Variants in SLC36A3 observed in about 807,000 individuals in gnomAD.
SLC36A3 encodes proton-coupled amino acid transporter 3.
SLC36A3 carries 35 observed loss-of-function variants against 44.3 expected under a neutral mutation model. The observed-to-expected ratio is 0.79, with a 90% CI of 0.60 to 1.05. SLC36A3 has a LOEUF of 1.05. Ranked by LOEUF, SLC36A3 falls within the 50% of genes least tolerant of loss-of-function variation. The pLI, the probability that SLC36A3 is intolerant of heterozygous loss-of-function variation, is 0.00. For synonymous variants in SLC36A3, 211 were observed against 227.6 expected, an observed-to-expected ratio of 0.93 and a Z score of 0.66; for missense variants, 540 against 578.7, an observed-to-expected ratio of 0.93 and a Z score of 0.69.
rs1755093147 is a variant in SLC36A3, at chr5:151,299,373, A to ATATATATATATATATATATATATAT, written c.129-691_129-690insATATATATATATATATATATATATA. ...AAAGTAGAGTCAGATGAGCATGGTGATATATATATATATATATATATTATA... is the reference window on the plus strand; with the variant it reads ...AAAGTAGAGTCAGATGAGCATGGTGATATATATATATATATATATATATATTATATATATATATATATATATTATA... On this transcript the variant is annotated intron_variant, in intron 1 of 9. Transcript: ENST00000335230. Among the ~76,000 whole-genome samples the ATATATATATATATATATATATATAT allele has an allele frequency of 1.5e-4, 6 of 38,834 alleles. No individual in the cohort carries two copies. In the African/African-American group the frequency reaches 2.0e-3, roughly 13 times the overall value. 25.5% of individuals were successfully genotyped at this position (38,834 alleles called of 152,430 possible). A position where few individuals can be genotyped will look rare whatever the true frequency, so the allele number is the denominator to read the frequency against.
At position 151,277,389 on chromosome 5, in the gene SLC36A3, A is replaced by G. The variant is rs1754126795; in HGVS notation, c.*4T>C. 2 of 1,613,572 alleles carry G rather than the reference A, an allele frequency of 1.2e-6. No homozygotes were observed. Among genetic ancestry groups the G allele is most frequent in the Non-Finnish European group, 8.5e-7 (1 of 1,179,632 alleles). On this transcript the variant is annotated 3_prime_UTR_variant, in exon 10 of 10. Transcript: ENST00000335230. ...GGGAGAGCTATTAGAATAAAAACAG[A>G]TAATTATGCATGGACACCTGTGGAG...
At chr5:151,291,930 G>A (rs6873351) in intron 4 of SLC36A3, among the ~76,000 whole-genome samples, 23,850 of 151,974 alleles carry the variant, frequency 0.16, 2,427 homozygotes, top group African/African-American at 0.29. Context: ...GTGCGATCTC[G>A]GCTCACTGCA....
chr5:151,290,763 C>T (rs1318965957), intron 4 of SLC36A3, among the ~76,000 whole-genome samples: 5 of 152,020 alleles, frequency 3.3e-5, no homozygotes, highest in East Asian at 1.9e-4. Flanking sequence ...GGCATGGTGG[C>T]GGGCGCCTGT....
At position 151,287,372 on chromosome 5, in the gene SLC36A3, C is replaced by A. The variant is rs375396; in HGVS notation, c.582G>T (p.Leu194=). ...TPILDIRFYM[L]IILPFLILLV... ...ACAGGATCAGGAAGGGCAGGATTAT[C>A]AGCATGTAGAAACGAATGTCCAGGA... Residue 194 remains leucine, a synonymous_variant, in exon 6 of 10, where the codon CTG becomes CTT. Transcript: ENST00000335230. The A allele has an allele frequency of 0.2, 319,492 of 1,613,876 alleles. 34,903 individuals are homozygous for A. Among genetic ancestry groups the A allele is most frequent in the East Asian group, 0.49 (21,935 of 44,866 alleles).
chr5:151,289,506 A>T (rs906951168), intron 4 of SLC36A3, among the ~76,000 whole-genome samples: 7 of 152,036 alleles, frequency 4.6e-5, no homozygotes, highest in Admixed American at 2.0e-4. Flanking sequence ...AAAAAAAAAA[A>T]GAAATTATTA....
At chr5:151,290,432 ATAACGAGAATT>A (rs1754712983) in intron 4 of SLC36A3, among the ~76,000 whole-genome samples, 1 of 152,244 alleles carries the variant, frequency 6.6e-6, no homozygotes, top group Non-Finnish European at 1.5e-5. Context: ...TTTAATGAAT[ATAACGAGAATT>A]TAACGAGAAT....
rs1754102880 is a variant in SLC36A3 at position 151,276,670 on chromosome 5, A to G, written c.*723T>C. The G allele has an allele frequency of 6.6e-6, 1 of 152,262 alleles. No homozygotes were observed. The highest frequency in any genetic ancestry group is 2.4e-5 in the African/African-American group (1 of 41,478). 9.4% of individuals were successfully genotyped at this position (152,262 alleles called of 1,614,324 possible). A position where few individuals can be genotyped will look rare whatever the true frequency, so the allele number is the denominator to read the frequency against. ...GTTTTAAAGAAACTACAAGATGTTT[A>G]TCAAACTGATTGTACTACTTTCTAT... On this transcript the variant is annotated 3_prime_UTR_variant, in exon 10 of 10. Transcript: ENST00000335230.
intron 9 of SLC36A3, among the ~76,000 whole-genome samples, chr5:151,278,179 T>TA (rs879503895): frequency 2.6e-4 from 40 of 152,274 alleles, no homozygotes; most frequent in Middle Eastern, 3.4e-3. Context: ...CAAGGATGGA[T>TA]AAAAAAATGG....
intron 3 of SLC36A3, among the ~76,000 whole-genome samples, chr5:151,295,333 G>A (rs1005607277): frequency 2.0e-5 from 3 of 152,216 alleles, no homozygotes; most frequent in African/African-American, 7.2e-5. Context: ...AACAAGGCTT[G>A]CAAGGCTCTT....
chr5:151,295,359 G>A (rs377333438), intron 3 of SLC36A3, among the ~76,000 whole-genome samples: 33 of 152,358 alleles, frequency 2.2e-4, no homozygotes, highest in African/African-American at 7.9e-4. Context: ...GATAACCGCA[G>A]TGTAATTGCA....
Position 151,296,260 on chromosome 5 carries a change from A to G in SLC36A3, c.228T>C (p.Pro76=), listed in dbSNP as rs1293057338. The G allele has an allele frequency of 5.0e-6, 8 of 1,614,134 alleles. No homozygotes were observed. Among genetic ancestry groups the G allele is most frequent in the Middle Eastern group, 1.7e-4 (1 of 6,040 alleles). ...AIKNAGLLVG[P]VSLLAIGVLT... is the part of the protein sequence containing the mutation. The stretch of plus-strand genomic sequence containing the variant: ...GGACCCCGATGGCCAGAAGGCTGAC[A>G]GGACCGACCTGGAGGGGAGAGGAGA... The change falls in exon 3 of 10, where the codon CCT becomes CCC. Residue 76 remains proline, a synonymous_variant. Transcript: ENST00000335230.
At chr5:151,278,220 C>T (rs1268500348) in intron 9 of SLC36A3, among the ~76,000 whole-genome samples, 5 of 151,204 alleles carry the variant, frequency 3.3e-5, no homozygotes, top group Non-Finnish European at 7.4e-5. Context: ...CGAATATCAG[C>T]CACTTATTTT....
chr5:151,296,373 C>T, intron 2 of SLC36A3, 105 bp from the exon 3 acceptor site: 1 of 942,778 alleles, frequency 1.1e-6, no homozygotes, highest in Non-Finnish European at 1.7e-6. Context: ...ATAAAACTGT[C>T]TTTGGGGTGA....
chr5:151,284,195 T>G lies in SLC36A3; in HGVS notation c.823A>C (p.Asn275His). Residue 275 changes from asparagine (N) to histidine (H), a missense_variant, in exon 8 of 10, where the codon AAC (asparagine) becomes CAC (histidine). Transcript: ENST00000335230. ...AACTGCTGTGGATGCTTCATCTGGT[T>G]TTTGAGAGGCAGAACCTGGAGGGAA... ...EGVGMVLPLK[N>H]QMKHPQQFSF... is the part of the protein sequence containing the mutation. 6 of 1,607,636 alleles carry G rather than the reference T, an allele frequency of 3.7e-6. No individual in the cohort carries two copies. The highest frequency in any genetic ancestry group is 5.1e-6 in the Non-Finnish European group (6 of 1,178,042).
At chr5:151,299,383 A>G (rs1236802253) in intron 1 of SLC36A3, among the ~76,000 whole-genome samples, 2 of 145,516 alleles carry the variant, frequency 1.4e-5, no homozygotes, top group Non-Finnish European at 3.0e-5. Flanking sequence ...ATATATATAT[A>G]TATATATATA....
At chr5:151,279,526 A>G (rs1163808419) in intron 9 of SLC36A3, among the ~76,000 whole-genome samples, 6 of 152,216 alleles carry the variant, frequency 3.9e-5, no homozygotes, top group East Asian at 1.9e-4. Context: ...CTTTCAGCAT[A>G]TATCAAAAGC....
intron 9 of SLC36A3, among the ~76,000 whole-genome samples, chr5:151,278,571 C>T (rs900116221): frequency 5.9e-5 from 9 of 151,950 alleles, no homozygotes; most frequent in Admixed American, 5.2e-4. Context: ...TTGGGATATC[C>T]ATTACTTAAA....
chr5:151,294,423 T>A (rs1038877055), intron 3 of SLC36A3, among the ~76,000 whole-genome samples: 3 of 152,086 alleles, frequency 2.0e-5, no homozygotes, highest in Non-Finnish European at 4.4e-5. Flanking sequence ...GGGCTGAGTA[T>A]AAGAGACAGT....
chr5:151,302,890 A>T (rs1580831248), intron 1 of SLC36A3, among the ~76,000 whole-genome samples: 2 of 128,460 alleles, frequency 1.6e-5, no homozygotes, highest in East Asian at 4.8e-4. Flanking sequence ...ATAATGGCAG[A>T]TGTGTGAGGA....
Sources: gnomAD v4.1 joint callset for allele counts (sites outside exome capture counted in the v4.1 genomes callset) on GRCh38, gnomAD v4.1.1 for gene constraint, MANE v1.5 for transcripts, NCBI Gene and HGNC (gene_info 2026-07-23, HGNC 2026-07-21) for gene names.